CD44: variants seen among roughly 807,000 people sequenced by gnomAD.
CD44 encodes the protein CD44 antigen.
A neutral mutation model predicts 88.8 loss-of-function variants in CD44; 49 were observed. The observed-to-expected ratio is 0.55, with a 90% CI of 0.44 to 0.70. The LOEUF (loss-of-function observed/expected upper bound fraction) is 0.70. CD44 is among the 30% of genes least tolerant of loss of function. CD44 has a pLI of 0.00. For missense variants in CD44, 883 were observed against 913.8 expected (o/e 0.97, Z 0.43); for synonymous variants, 325 against 312.3 (o/e 1.04, Z -0.43).
At chr11:35,222,370 T>C (rs1949371560) in intron 17 of CD44, 2 of 1,271,100 alleles carry the variant, frequency 1.6e-6, no homozygotes, top group Non-Finnish European at 2.1e-6. Context: ...TTCTGGGAAC[T>C]GTAGTTGAAG....
intron 1 of CD44, among the ~76,000 whole-genome samples, chr11:35,167,338 C>T (rs1943409895): frequency 6.6e-6 from 1 of 151,940 alleles, no homozygotes; most frequent in Admixed American, 6.6e-5. Flanking sequence ...ACTCGGCTAT[C>T]CTTGATTTTA....
Position 35,189,889 on chromosome 11 carries a change from A to T in CD44, c.491A>T (p.Asn164Ile), listed in dbSNP as rs1565098166. The T allele has an allele frequency of 6.2e-7, 1 of 1,614,170 alleles. No homozygotes were observed. Among genetic ancestry groups the T allele is most frequent in the Non-Finnish European group, 8.5e-7 (1 of 1,180,022 alleles). Reference protein sequence around the residue: ...RYVQKGEYRTNPEDIYPSNPT... With the variant: ...RYVQKGEYRTIPEDIYPSNPT... ...GTCCAGAAAGGAGAATACAGAACGA[A>T]TCCTGAAGACATCTACCCCAGCAAC... The change falls in exon 5 of 18, where the codon AAT becomes ATT. Residue 164 changes from asparagine (N) to isoleucine (I), a missense_variant. Asn to Ile is a moderately radical substitution (Grantham distance 149). Transcript: ENST00000428726.
intron 1 of CD44, among the ~76,000 whole-genome samples, chr11:35,174,273 C>T (rs1050941328): frequency 1.3e-5 from 2 of 152,240 alleles, no homozygotes; most frequent in Non-Finnish European, 2.9e-5. Context: ...CTACCCACCA[C>T]TAGAACTGTG....
chr11:35,205,227 A>G (rs1947715734), intron 10 of CD44, among the ~76,000 whole-genome samples: 1 of 152,210 alleles, frequency 6.6e-6, no homozygotes, highest in African/African-American at 2.4e-5. Flanking sequence ...ATCATCTCTA[A>G]GTGATACCAG....
chr11:35,227,031 G>A (rs1487616050), intron 17 of CD44, among the ~76,000 whole-genome samples: 3 of 151,460 alleles, frequency 2.0e-5, no homozygotes, highest in African/African-American at 4.9e-5. Flanking sequence ...ATTCAGCCAC[G>A]CACCACCATG....
At chr11:35,176,012 G>A (rs1302738991) in intron 1 of CD44, among the ~76,000 whole-genome samples, 1 of 146,488 alleles carries the variant, frequency 6.8e-6, no homozygotes, top group Non-Finnish European at 1.5e-5. Context: ...CTACAGGCAT[G>A]TGCCACCACA....
At chr11:35,142,039 G>A (rs912305126) in intron 1 of CD44, among the ~76,000 whole-genome samples, 2 of 152,156 alleles carry the variant, frequency 1.3e-5, no homozygotes, top group Non-Finnish European at 2.9e-5. Context: ...AAGTGACATT[G>A]GACCCAGAAA....
intron 15 of CD44, among the ~76,000 whole-genome samples, chr11:35,217,268 T>C (rs938332306): frequency 1.3e-5 from 1 of 76,252 alleles, no homozygotes; most frequent in Admixed American, 1.0e-4. Flanking sequence ...GCACTTCTTC[T>C]TTTTTTTTTT....
intron 4 of CD44, among the ~76,000 whole-genome samples, chr11:35,189,610 G>A (rs1946067357): frequency 6.6e-6 from 1 of 152,120 alleles, no homozygotes; most frequent in Non-Finnish European, 1.5e-5. Context: ...TCAAACACAG[G>A]GATGGGACTC....
At chr11:35,205,719 T>C in intron 10 of CD44, 2 of 863,692 alleles carry the variant, frequency 2.3e-6, no homozygotes, top group South Asian at 1.1e-4. Context: ...CTAATGTGCA[T>C]TTGGCTGGAA....
intron 7 of CD44, 66 bp downstream of exon 7, chr11:35,198,312 A>C: frequency 6.9e-7 from 1 of 1,457,678 alleles, no homozygotes; most frequent in South Asian, 1.2e-5. Context: ...AGTGATACCA[A>C]ATTGTATCTC....
chr11:35,168,519 C>G lies in CD44; in HGVS notation c.68-8056C>G, dbSNP rs189337871. Among the ~76,000 whole-genome samples, 21 of 152,292 alleles carry G rather than the reference C, an allele frequency of 1.4e-4. 1 individual carries two copies. Among genetic ancestry groups the G allele is most frequent in the South Asian group, 2.1e-4 (1 of 4,824 alleles). On this transcript the variant is annotated intron_variant, in intron 1 of 17. Transcript: ENST00000428726. Reference sequence around the variant, plus strand: ...AGTGAGTGCTCACTGTGGTTATGGACCAGGAGCTGCAGGAATTAGAACACC... The same window carrying G: ...AGTGAGTGCTCACTGTGGTTATGGAGCAGGAGCTGCAGGAATTAGAACACC...
At chr11:35,185,740 T>A (rs1257925731) in intron 3 of CD44, among the ~76,000 whole-genome samples, 2 of 152,248 alleles carry the variant, frequency 1.3e-5, no homozygotes, top group African/African-American at 2.4e-5. Context: ...ACAAATGGAC[T>A]TAACCTTTCT....
At chr11:35,201,025 G>C in intron 7 of CD44, 57 bp from the exon 8 acceptor site, 1 of 1,218,672 alleles carries the variant, frequency 8.2e-7, no homozygotes. Context: ...TGCGGGACAA[G>C]TGGCGAAGGC....
At chr11:35,195,937 A>C (rs1946696273) in intron 5 of CD44, among the ~76,000 whole-genome samples, 1 of 152,196 alleles carries the variant, frequency 6.6e-6, no homozygotes, top group Non-Finnish European at 1.5e-5. Flanking sequence ...AAAAGTGTAG[A>C]GGCATATTTT....
At chr11:35,180,502 A>G in intron 3 of CD44, 95 bp downstream of exon 3, 1 of 1,341,588 alleles carries the variant, frequency 7.5e-7, no homozygotes, top group Non-Finnish European at 1.1e-6. Context: ...GCCTCCATTT[A>G]CATAACAAAT....
At chr11:35,146,412 C>T (rs890950085) in intron 1 of CD44, among the ~76,000 whole-genome samples, 10 of 152,198 alleles carry the variant, frequency 6.6e-5, no homozygotes, top group Non-Finnish European at 1.3e-4. Context: ...AGAGCTCTTA[C>T]GCTTTTTCTG....
At position 35,229,799 on chromosome 11, in the gene CD44, T is replaced by A. The variant is rs548421422; in HGVS notation, c.*466T>A. ...TCCACTGAGGTTGGGGGTTGGGGTG[T>A]ACTAGTTACACATCTTCAACAGACC... On this transcript the variant is annotated 3_prime_UTR_variant, in exon 18 of 18. Coordinates refer to ENST00000428726, the MANE Select transcript of CD44 (RefSeq NM_000610.4). 1.1e-3 allele frequency: 190 copies of A among 168,676 alleles called. No homozygotes were observed. The highest frequency in any genetic ancestry group is 4.5e-3 in the African/African-American group (189 of 41,894). The allele number at this position is 168,676 out of a possible 1,614,324, so 10.4% of individuals were successfully genotyped here.
At chr11:35,172,526 T>A (rs1319793247) in intron 1 of CD44, among the ~76,000 whole-genome samples, 1 of 152,178 alleles carries the variant, frequency 6.6e-6, no homozygotes, top group African/African-American at 2.4e-5. Context: ...AGATTAATTT[T>A]TTTCTCCCAA....
Sources: allele counts gnomAD v4.1 joint callset (sites outside exome capture counted in the v4.1 genomes callset), GRCh38; gene constraint gnomAD v4.1.1; transcripts MANE v1.5; gene names NCBI Gene and HGNC (gene_info 2026-07-23, HGNC 2026-07-21).